Variants in GSDMD observed in about 807,000 individuals in gnomAD.
The protein encoded by GSDMD is gasdermin-D.
In GSDMD, 46 loss-of-function variants were observed where a neutral mutation model predicts 46.7. That is an observed-to-expected ratio of 0.99 (90% CI 0.78 to 1.26). GSDMD has a LOEUF of 1.26. Among genes scored for constraint, GSDMD ranks in the 50% most tolerant of loss-of-function variants. GSDMD has a pLI of 0.00. For synonymous variants in GSDMD, 307 were observed against 283.1 expected, an observed-to-expected ratio of 1.08 and a Z score of -0.85; for missense variants, 649 against 638.8, an observed-to-expected ratio of 1.02 and a Z score of -0.17.
At chr8:143,557,332 TATG>T (rs1351724769), upstream of GSDMD, among the ~76,000 whole-genome samples, 40 of 43,470 alleles carry the variant, frequency 9.2e-4, 1 homozygote, top group African/African-American at 2.5e-3. Context: ...ATGCTGCCGC[TATG>T]GTGAAGGATG....
At chr8:143,559,283 C>CAG in intron 1 of GSDMD, 49 bp from the exon 2 acceptor site, 1 of 590,600 alleles carries the variant, frequency 1.7e-6, no homozygotes, top group Non-Finnish European at 3.2e-6. Flanking sequence ...CTCCCACTCC[C>CAG]TCCCGCCCGC....
At chr8:143,560,038 A>G (rs1823413263) in intron 3 of GSDMD, 69 bp downstream of exon 3, 2 of 1,349,140 alleles carry the variant, frequency 1.5e-6, no homozygotes, top group East Asian at 5.0e-5. Context: ...TTATTTATTT[A>G]TTTATTTAAA....
intron 10 of GSDMD, 66 bp downstream of exon 10, chr8:143,562,587 T>C: frequency 6.3e-7 from 1 of 1,595,608 alleles, no homozygotes; most frequent in African/African-American, 1.3e-5. Context: ...CTGTGGCACC[T>C]GGGAAGGGGT....
chr8:143,561,533 CCT>C (rs775692716), intron 6 of GSDMD, 110 bp downstream of exon 6: 276 of 1,174,208 alleles, frequency 2.4e-4, no homozygotes, highest in Non-Finnish European at 3.0e-4. Context: ...CGGGCAGCCC[CCT>C]GAGGCGGTGG....
Position 143,561,758 on chromosome 8 carries a change from G to A in GSDMD, c.753G>A (p.Thr251=), listed in dbSNP as rs374696339. ...CCTGCCCAGGCCACAAGCGTTCCAC[G>A]AGCGAAGGCGCCTGGCCACAGCTGC... ...QPPATGHKRS[T]SEGAWPQLPS... is the part of the protein sequence containing the mutation. The change falls in exon 7 of 11, where the codon ACG becomes ACA. Residue 251 remains threonine, a synonymous_variant. Transcript: ENST00000262580. The A allele has an allele frequency of 1.3e-5, 21 of 1,608,620 alleles. No individual in the cohort carries two copies. Among genetic ancestry groups the A allele is most frequent in the East Asian group, 6.7e-5 (3 of 44,608 alleles).
At chr8:143,558,692 C>T (rs1202040517) in intron 1 of GSDMD, 1 of 576,456 alleles carries the variant, frequency 1.7e-6, no homozygotes, top group Non-Finnish European at 3.1e-6. Context: ...GTTCCCGGGC[C>T]GGTGCTGTTC....
chr8:143,563,018 GC>G lies in GSDMD; in HGVS notation c.*117del. On this transcript the variant is annotated 3_prime_UTR_variant, in exon 11 of 11. Transcript: ENST00000262580. ...AGCCATGTGGCCAGTCTACCATGGG[GC>G]CCAGGAGTTGGGGAAACACAATAAA... 1.6e-6 allele frequency: 2 copies of G among 1,280,740 alleles called. No individual in the cohort carries two copies. Among genetic ancestry groups the G allele is most frequent in the Non-Finnish European group, 1.1e-6 (1 of 949,206 alleles). The allele number at this position is 1,280,740 out of a possible 1,614,324, so 79.3% of individuals were successfully genotyped here.
At chr8:143,559,017 T>G in intron 1 of GSDMD, 1 of 434,380 alleles carries the variant, frequency 2.3e-6, no homozygotes, top group Non-Finnish European at 4.2e-6. Flanking sequence ...GACAGCTTGT[T>G]TCCTCCCAGC....
chr8:143,557,203 G>T (rs1404277494), upstream of GSDMD, among the ~76,000 whole-genome samples: 1 of 152,292 alleles, frequency 6.6e-6, no homozygotes, highest in Non-Finnish European at 1.5e-5. Context: ...CGTGGGCGCC[G>T]TTCTACGGCC....
At chr8:143,560,861 C>T (rs1823441216) in intron 4 of GSDMD, 90 bp downstream of exon 4, 1 of 1,433,096 alleles carries the variant, frequency 7.0e-7, no homozygotes, top group African/African-American at 1.5e-5. Flanking sequence ...CCGCCAAGGC[C>T]CCTCGGAGCA....
At chr8:143,558,106 C>A, upstream of GSDMD, 1 of 516,316 alleles carries the variant, frequency 1.9e-6, no homozygotes, top group East Asian at 3.8e-5. Flanking sequence ...GTTGGTCAGT[C>A]TGGTCTTGAA....
In GSDMD at chr8:143,561,767, C is replaced by T. The variant is rs1275314810; in HGVS notation, c.762C>T (p.Gly254=). ...GCCACAAGCGTTCCACGAGCGAAGG[C>T]GCCTGGCCACAGCTGCCCTCTGGCC... The part of the protein sequence containing the change: ...ATGHKRSTSE[G]AWPQLPSGLS... Residue 254 remains glycine (G), a synonymous_variant, in exon 7 of 11, where the codon GGC becomes GGT. Transcript: ENST00000262580. The T allele has an allele frequency of 7.5e-6, 12 of 1,609,476 alleles. No homozygotes were observed. The highest frequency in any genetic ancestry group is 2.2e-5 in the South Asian group (2 of 90,574).
intron 4 of GSDMD, 111 bp from the exon 5 acceptor site, chr8:143,560,891 G>A (rs1429449628): frequency 3.5e-6 from 5 of 1,436,828 alleles, no homozygotes; most frequent in Non-Finnish European, 3.7e-6. Flanking sequence ...CCTGCGCTTG[G>A]CTGCGGAGCC....
Position 143,562,000 on chromosome 8 carries a change from G to A in GSDMD, c.865G>A (p.Gly289Ser), listed in dbSNP as rs1288248254. The A allele has an allele frequency of 1.2e-6, 2 of 1,606,330 alleles. No individual in the cohort carries two copies. Among genetic ancestry groups the A allele is most frequent in the South Asian group, 2.2e-5 (2 of 90,680 alleles). ...AEGAFTEDFQ[G>S]LRAEVETISK... ...GGGGGCGTTCACTGAAGACTTCCAG[G>A]GCCTACGGGCAGAGGTGGAGACCAT... is the stretch of plus-strand genomic sequence containing the variant. Residue 289 changes from glycine (G) to serine (S), a missense_variant, in exon 8 of 11, where the codon GGC becomes AGC. Gly to Ser is a moderately conservative substitution (Grantham distance 56). Coordinates refer to ENST00000262580, the MANE Select transcript of GSDMD (RefSeq NM_024736.7).
chr8:143,561,307 G>A (rs1823454490), intron 5 of GSDMD, 63 bp from the exon 6 acceptor site: 2 of 1,486,758 alleles, frequency 1.3e-6, no homozygotes, highest in Non-Finnish European at 9.2e-7. Flanking sequence ...TAGTAGGGGA[G>A]GGGAGGGGAT....
At chr8:143,556,798 A>C (rs552425892), upstream of GSDMD, among the ~76,000 whole-genome samples, 1 of 152,372 alleles carries the variant, frequency 6.6e-6, no homozygotes, top group African/African-American at 2.4e-5. Context: ...TGCCGAGACT[A>C]GGTGTTGCTA....
In GSDMD at chr8:143,562,814, C is replaced by T. The variant is rs779813137; in HGVS notation, c.1365C>T (p.His455=). The part of the protein sequence containing the change: ...CGLELGEDTP[H]VCWEPQAQGR... ...TAGAGCTGGGGGAGGACACTCCCCA[C>T]GTGTGCTGGGAGCCGCAGGCCCAGG... The change falls in exon 11 of 11, where the codon CAC becomes CAT. Residue 455 remains histidine, a synonymous_variant. Transcript: ENST00000262580. 1.6e-5 allele frequency: 25 copies of T among 1,606,778 alleles called. No homozygotes were observed. Among genetic ancestry groups the T allele is most frequent in the Middle Eastern group, 1.7e-4 (1 of 6,048 alleles).
At chr8:143,560,016 G>C in intron 3 of GSDMD, 47 bp downstream of exon 3, 1 of 1,200,806 alleles carries the variant, frequency 8.3e-7, no homozygotes, top group Non-Finnish European at 1.2e-6. Context: ...CCTACCCCAA[G>C]CAACCCTGCT....
chr8:143,560,374 A>G, intron 3 of GSDMD: 2 of 641,338 alleles, frequency 3.1e-6, no homozygotes, highest in Non-Finnish European at 5.6e-6. Flanking sequence ...ACGGGGGCCC[A>G]GGTGAGGGGG....
Sources: allele counts gnomAD v4.1 joint callset (sites outside exome capture counted in the v4.1 genomes callset), GRCh38; gene constraint gnomAD v4.1.1; transcripts MANE v1.5; gene names NCBI Gene and HGNC (gene_info 2026-07-23, HGNC 2026-07-21).